EIF3K: variants seen among roughly 807,000 people sequenced by gnomAD.
EIF3K encodes eIF-3 p28.
A neutral mutation model predicts 34.2 loss-of-function variants in EIF3K; 27 were observed. The ratio of observed to expected loss-of-function variants is 0.79; its 90% CI spans 0.58 to 1.09. The LOEUF (loss-of-function observed/expected upper bound fraction) is 1.09, where lower values mean the gene tolerates loss of function less well. Among genes scored for constraint, EIF3K ranks in the 50% least tolerant of loss-of-function variants. The pLI is 0.00. For synonymous variants in EIF3K, 105 were observed against 105.7 expected (o/e 0.99, Z 0.04); for missense variants, 232 against 275.4 (o/e 0.84, Z 1.11).
chr19:38,631,354 A>G (rs1054002346), intron 4 of EIF3K, among the ~76,000 whole-genome samples: 1 of 152,180 alleles, frequency 6.6e-6, no homozygotes, highest in African/African-American at 2.4e-5. Context: ...TGGCAGGGTC[A>G]TAGGATAATA....
chr19:38,624,371 G>A (rs891391751), intron 3 of EIF3K, among the ~76,000 whole-genome samples, 174 bp downstream of exon 3: 1 of 152,102 alleles, frequency 6.6e-6, no homozygotes, highest in Non-Finnish European at 1.5e-5. Context: ...ACAGTCCTGG[G>A]CCCTGTCTTC....
intron 6 of EIF3K, 27 bp from the exon 7 acceptor site, chr19:38,634,966 G>GC (rs745724989): frequency 1.2e-6 from 2 of 1,613,730 alleles, no homozygotes; most frequent in South Asian, 2.2e-5. Flanking sequence ...GCTGACTGAA[G>GC]CCCCTTGCTG....
chr19:38,625,354 C>T (rs1420830377), intron 3 of EIF3K, among the ~76,000 whole-genome samples: 7 of 151,506 alleles, frequency 4.6e-5, no homozygotes, highest in South Asian at 2.1e-4. Flanking sequence ...TTAGTAGAGA[C>T]GGGGTTTTGC....
chr19:38,633,005 T>C (rs1394806943), intron 6 of EIF3K: 2 of 283,136 alleles, frequency 7.1e-6, no homozygotes, highest in South Asian at 7.9e-5. Context: ...TGTCCAGTGG[T>C]GATTCCTGTC....
Position 38,632,516 on chromosome 19 carries a change from T to C in EIF3K, c.421+20T>C, listed in dbSNP as rs1399746290. ...GAAAGTGTAAGTCCCTCTCTGAGGC[T>C]GGGCTCCCCAAGGGGAAGGGGTAGG... On this transcript the variant is annotated intron_variant, in intron 5 of 7. Transcript: ENST00000248342. 8 of 1,613,878 alleles carry C rather than the reference T, an allele frequency of 5.0e-6. No homozygotes were observed. The African/African-American group carries it at 9.3e-5, about 19-fold the overall frequency.
At chr19:38,622,757 G>T (rs1287827110) in intron 2 of EIF3K, among the ~76,000 whole-genome samples, 1 of 152,206 alleles carries the variant, frequency 6.6e-6, no homozygotes, top group African/African-American at 2.4e-5. Flanking sequence ...GTACGCCCCG[G>T]GGGGCCCGTT....
intron 4 of EIF3K, among the ~76,000 whole-genome samples, chr19:38,629,883 G>A (rs990438980): frequency 6.6e-6 from 1 of 152,150 alleles, no homozygotes; most frequent in Non-Finnish European, 1.5e-5. Context: ...GATTCTGTGT[G>A]GCCTAATGGG....
intron 6 of EIF3K, among the ~76,000 whole-genome samples, 174 bp from the exon 7 acceptor site, chr19:38,634,819 G>A (rs185526083): frequency 4.6e-5 from 7 of 152,304 alleles, no homozygotes; most frequent in Admixed American, 2.0e-4. Flanking sequence ...AGAATGACCC[G>A]TGGAAGGGCA....
chr19:38,625,987 ACGCTC>A (rs1349894027), intron 3 of EIF3K, 36 bp from the exon 4 acceptor site: 1 of 1,600,000 alleles, frequency 6.3e-7, no homozygotes, highest in South Asian at 1.1e-5. Flanking sequence ...GTCCAACCTT[ACGCTC>A]CGAGGCCAGT....
chr19:38,625,307 G>A (rs990863643), intron 3 of EIF3K, among the ~76,000 whole-genome samples: 1 of 151,870 alleles, frequency 6.6e-6, no homozygotes, highest in South Asian at 2.1e-4. Context: ...GACCACAGGT[G>A]CATGCATGCT....
Position 38,624,191 on chromosome 19 carries a change from G to C in EIF3K, c.273G>C (p.Gln91His), listed in dbSNP as rs914313343. 6.2e-7 allele frequency: 1 copy of C among 1,614,172 alleles called. No homozygotes were observed. Among genetic ancestry groups the C allele is most frequent in the East Asian group, 2.2e-5 (1 of 44,892 alleles). The change falls in exon 3 of 8, where the codon CAG becomes CAC. Residue 91 changes from glutamine (Q) to histidine (H), a missense_variant. Physicochemically the swap from Gln to His is conservative, Grantham distance 24. Coordinates refer to ENST00000248342, the MANE Select transcript of EIF3K (RefSeq NM_013234.4). The part of the protein sequence containing the change: ...DFTLCKCMID[Q>H]AHQEERPIRQ... ...CCCTGTGCAAGTGCATGATCGACCA[G>C]GCACATGTATCCTTCCAGCACTGGG... is the stretch of plus-strand genomic sequence containing the variant.
chr19:38,622,251 G>T (rs1975858401), intron 2 of EIF3K, among the ~76,000 whole-genome samples: 1 of 150,702 alleles, frequency 6.6e-6, no homozygotes, highest in African/African-American at 2.5e-5. Context: ...ACGTATCGGG[G>T]GGCCTGCCCC....
intron 3 of EIF3K, 94 bp downstream of exon 3, chr19:38,624,291 C>T: frequency 6.4e-7 from 1 of 1,564,332 alleles, no homozygotes; most frequent in Non-Finnish European, 8.7e-7. Flanking sequence ...GGTGTATCCA[C>T]AAACAACAAG....
rs375764491 is a variant in EIF3K at position 38,632,417 on chromosome 19, A to G, written c.355-13A>G. On this transcript the variant is annotated splice_polypyrimidine_tract_variant and intron_variant, in intron 4 of 7. Coordinates refer to ENST00000248342, the MANE Select transcript of EIF3K (RefSeq NM_013234.4). ...AAAAGAATAAACATTGTGAACATCA[A>G]TTCCCATCACAGCAAGCCCTGGATG... 1.6e-5 allele frequency: 26 copies of G among 1,611,854 alleles called. No homozygotes were observed. The highest frequency in any genetic ancestry group is 1.6e-4 in the Middle Eastern group (1 of 6,074).
chr19:38,631,461 T>C (rs897554548), intron 4 of EIF3K, among the ~76,000 whole-genome samples: 1 of 152,162 alleles, frequency 6.6e-6, no homozygotes, highest in Non-Finnish European at 1.5e-5. Context: ...TGCATACACA[T>C]AAACATCTCA....
intron 3 of EIF3K, among the ~76,000 whole-genome samples, chr19:38,625,681 C>T (rs60235142): frequency 1.5e-4 from 21 of 140,902 alleles, no homozygotes; most frequent in African/African-American, 5.0e-4. Flanking sequence ...AGCTGCTTTT[C>T]GTATGTTTAG....
At chr19:38,636,300 G>A (rs916500988) in intron 7 of EIF3K, among the ~76,000 whole-genome samples, 4 of 152,102 alleles carry the variant, frequency 2.6e-5, no homozygotes, top group Admixed American at 6.6e-5. Context: ...GGGAGTAGAC[G>A]GGAGGGTTCC....
At chr19:38,630,339 A>G (rs940620284) in intron 4 of EIF3K, among the ~76,000 whole-genome samples, 3 of 136,570 alleles carry the variant, frequency 2.2e-5, no homozygotes, top group East Asian at 4.3e-4. Flanking sequence ...TTATTTATTT[A>G]TTTATTTATT....
At chr19:38,635,233 T>G in intron 7 of EIF3K, 115 bp downstream of exon 7, 6 of 1,443,630 alleles carry the variant, frequency 4.2e-6, no homozygotes, top group Non-Finnish European at 5.7e-6. Flanking sequence ...GGCTGGGAAG[T>G]CTGCACCTGC....
Sources: gnomAD v4.1 joint callset for allele counts (sites outside exome capture counted in the v4.1 genomes callset) on GRCh38, gnomAD v4.1.1 for gene constraint, MANE v1.5 for transcripts, NCBI Gene and HGNC (gene_info 2026-07-23, HGNC 2026-07-21) for gene names.